STPG2: variants seen among roughly 807,000 people sequenced by gnomAD.
STPG2 encodes sperm tail PG-rich repeat containing 2, also known as sperm-tail PG-rich repeat-containing protein 2.
Under a neutral mutation model 54.2 loss-of-function variants are expected in STPG2, and 56 were observed. The observed-to-expected ratio is 1.03, with a 90% CI of 0.83 to 1.29. STPG2 has a LOEUF of 1.29. Among genes scored for constraint, STPG2 ranks in the 50% most tolerant of loss-of-function variants. STPG2 has a pLI of 0.00. For missense variants in STPG2, 596 were observed against 544.9 expected (o/e 1.09, Z -0.93); for synonymous variants, 200 against 181.8 (o/e 1.10, Z -0.81).
intron 9 of STPG2, among the ~76,000 whole-genome samples, chr4:97,838,392 T>C (rs1474290194): frequency 2.0e-5 from 3 of 151,354 alleles, no homozygotes; most frequent in East Asian, 1.9e-4. Flanking sequence ...AATGATGTCA[T>C]GTATTAGTTG....
At chr4:97,542,029 T>C (rs1210531954) in intron 4 of STPG2, among the ~76,000 whole-genome samples, 3 of 151,832 alleles carry the variant, frequency 2.0e-5, no homozygotes, top group Admixed American at 6.6e-5. Flanking sequence ...TAGAAGAAAA[T>C]CTAGGCAATA....
chr4:97,602,144 A>T (rs973706382), intron 10 of STPG2, among the ~76,000 whole-genome samples: 1 of 151,672 alleles, frequency 6.6e-6, no homozygotes, highest in African/African-American at 2.4e-5. Context: ...CCCATAGATT[A>T]TTTTACTTTT....
intron 10 of STPG2, among the ~76,000 whole-genome samples, chr4:97,661,637 A>T (rs1055083706): frequency 2.6e-5 from 4 of 152,128 alleles, no homozygotes; most frequent in African/African-American, 4.8e-5. Flanking sequence ...TATACTCCTT[A>T]TAATCTTAAT....
chr4:98,085,814 G>A (rs1453503814), intron 5 of STPG2, among the ~76,000 whole-genome samples: 1 of 151,882 alleles, frequency 6.6e-6, no homozygotes, highest in Admixed American at 6.6e-5. Context: ...AATTAAAAAA[G>A]GAATCCAAGG....
At position 97,504,110 on chromosome 4, in the gene STPG2, A is replaced by C. The variant is rs1041523146; in HGVS notation, c.462+208589T>G. On this transcript the variant is annotated intron_variant, in intron 4 of 4. Coordinates refer to the STPG2 transcript ENST00000522676. ...TTTATTTAATATTTAATAAATAAAT[A>C]AATATTTATTTAAATATTTTATTTT... 2.8e-5 allele frequency among the ~76,000 whole-genome samples: 4 copies of C among 144,786 alleles called. No individual in the cohort carries two copies. The Admixed American group carries it at 2.8e-4, about 10-fold the overall frequency. The allele number at this position is 144,786 out of a possible 152,430, so 95.0% of individuals were successfully genotyped here.
chr4:97,464,566 AC>A (rs1729744819), intron 4 of STPG2, among the ~76,000 whole-genome samples: 1 of 152,024 alleles, frequency 6.6e-6, no homozygotes, highest in Non-Finnish European at 1.5e-5. Flanking sequence ...ACAGGTGCAC[AC>A]CACCATGCCC....
intron 5 of STPG2, among the ~76,000 whole-genome samples, chr4:98,101,942 T>C (rs1739051531): frequency 6.9e-6 from 1 of 145,084 alleles, no homozygotes; most frequent in Non-Finnish European, 1.5e-5. Flanking sequence ...TCTCAAACCC[T>C]TGCCACTTAA....
intron 10 of STPG2, among the ~76,000 whole-genome samples, chr4:97,637,947 C>T (rs1301689294): frequency 6.6e-6 from 1 of 151,680 alleles, no homozygotes; most frequent in African/African-American, 2.4e-5. Flanking sequence ...CAATGCCATC[C>T]CCATCAAGCT....
At chr4:97,808,734 A>T (rs1306233654) in intron 9 of STPG2, among the ~76,000 whole-genome samples, 1 of 150,368 alleles carries the variant, frequency 6.7e-6, no homozygotes, top group Non-Finnish European at 1.5e-5. Context: ...AAGCACAAGG[A>T]TACAGAAAGG....
At chr4:97,600,843 C>T (rs755864989) in intron 10 of STPG2, among the ~76,000 whole-genome samples, 15 of 152,020 alleles carry the variant, frequency 9.9e-5, no homozygotes, top group Non-Finnish European at 1.8e-4. Flanking sequence ...CTTTGGGGCA[C>T]AGCTAATCTG....
intron 8 of STPG2, among the ~76,000 whole-genome samples, chr4:97,863,886 G>C (rs1578635420): frequency 1.3e-5 from 2 of 152,052 alleles, no homozygotes; most frequent in South Asian, 4.1e-4. Flanking sequence ...AAAGGCCTTT[G>C]ACAAAATTCA....
intron 8 of STPG2, among the ~76,000 whole-genome samples, chr4:97,897,243 CT>C (rs1284296210): frequency 1.3e-5 from 2 of 152,022 alleles, no homozygotes; most frequent in Non-Finnish European, 2.9e-5. Context: ...TGATCTCATT[CT>C]TTTTTATAAT....
chr4:97,489,039 C>T (rs755002160), intron 4 of STPG2, among the ~76,000 whole-genome samples: 13 of 151,646 alleles, frequency 8.6e-5, no homozygotes, highest in South Asian at 6.2e-4. Flanking sequence ...ATCATGGGGG[C>T]GGGTCTTTCC....
At chr4:97,797,590 C>T (rs536262120) in intron 9 of STPG2, among the ~76,000 whole-genome samples, 1 of 152,264 alleles carries the variant, frequency 6.6e-6, no homozygotes, top group African/African-American at 2.4e-5. Flanking sequence ...TTTGGTTAGC[C>T]AGTGTATTAT....
intron 10 of STPG2, among the ~76,000 whole-genome samples, chr4:97,623,734 C>T (rs1457984950): frequency 6.6e-6 from 1 of 152,088 alleles, no homozygotes; most frequent in Non-Finnish European, 1.5e-5. Flanking sequence ...ATCAACCTAT[C>T]GCCTAGGTAT....
At chr4:97,621,888 A>T (rs1051914132) in intron 10 of STPG2, among the ~76,000 whole-genome samples, 29 of 152,302 alleles carry the variant, frequency 1.9e-4, no homozygotes, top group African/African-American at 6.3e-4. Context: ...ACAAAATACT[A>T]GCAAACTAAA....
chr4:97,634,715 C>T (rs1207265014), intron 10 of STPG2, among the ~76,000 whole-genome samples: 1 of 151,852 alleles, frequency 6.6e-6, no homozygotes, highest in African/African-American at 2.4e-5. Flanking sequence ...GGAGCCGATG[C>T]AATCAACTGG....
chr4:97,639,383 T>A (rs1721684145), intron 10 of STPG2, among the ~76,000 whole-genome samples: 5 of 151,938 alleles, frequency 3.3e-5, no homozygotes, highest in Admixed American at 3.3e-4. Flanking sequence ...TTGGGAGATA[T>A]ACCTAATGCT....
intron 8 of STPG2, among the ~76,000 whole-genome samples, chr4:97,849,866 C>T (rs371271063): frequency 5.9e-5 from 9 of 152,046 alleles, no homozygotes; most frequent in African/African-American, 1.4e-4. Context: ...AGTGTGGCGA[C>T]TCCTCAGGGA....
Sources: gnomAD v4.1 joint callset for allele counts (sites outside exome capture counted in the v4.1 genomes callset) on GRCh38, gnomAD v4.1.1 for gene constraint, MANE v1.5 for transcripts, NCBI Gene and HGNC (gene_info 2026-07-23, HGNC 2026-07-21) for gene names.